ZNF678: variants seen among roughly 807,000 people sequenced by gnomAD.
The protein encoded by ZNF678 is hypothetical protein MGC42493.
In ZNF678, 5 loss-of-function variants were observed where a neutral mutation model predicts 3.0. The ratio of observed to expected loss-of-function variants is 1.69; its 90% confidence interval spans 0.88 to 3.56. The LOEUF (loss-of-function observed/expected upper bound fraction) is 3.56, where lower values mean the gene tolerates loss of function less well. Ranked by LOEUF, ZNF678 falls within the 30% of genes most tolerant of loss-of-function variation. The probability of loss-of-function intolerance (pLI) is 0.00; values close to 1 mark genes in which losing one functional copy is unlikely to be tolerated. For synonymous variants in ZNF678, 218 were observed against 199.6 expected (o/e 1.09, Z -0.78); for missense variants, 593 against 605.0 (o/e 0.98, Z 0.21).
chr1:227,631,731 T>C (rs1397860418), intron 1 of ZNF678, among the ~76,000 whole-genome samples: 2 of 152,222 alleles, frequency 1.3e-5, no homozygotes, highest in Admixed American at 6.5e-5. Context: ...GAGAAAAAGA[T>C]GGGCTTGCTG....
intron 1 of ZNF678, among the ~76,000 whole-genome samples, chr1:227,625,812 C>T (rs1164696037): frequency 2.6e-5 from 4 of 152,096 alleles, no homozygotes; most frequent in African/African-American, 7.2e-5. Flanking sequence ...TCTTGAACTC[C>T]ACCCCCATCA....
At chr1:227,583,732 C>T (rs1657191699) in intron 1 of ZNF678, among the ~76,000 whole-genome samples, 1 of 152,118 alleles carries the variant, frequency 6.6e-6, no homozygotes, top group Non-Finnish European at 1.5e-5. Context: ...ACAAGCAGTA[C>T]ATAATTTTCC....
intron 1 of ZNF678, among the ~76,000 whole-genome samples, chr1:227,636,879 C>G (rs528174262): frequency 6.6e-6 from 1 of 152,312 alleles, no homozygotes; most frequent in East Asian, 1.9e-4. Flanking sequence ...AAACCCCATT[C>G]TTTCCAGACG....
chr1:227,659,897 T>C lies in ZNF678; in HGVS notation c.*4069T>C, dbSNP rs1054116120. 1 of 150,842 alleles carries C rather than the reference T, an allele frequency of 6.6e-6. No homozygotes were observed. Among genetic ancestry groups the C allele is most frequent in the Non-Finnish European group, 1.5e-5 (1 of 67,806 alleles). 9.3% of individuals were successfully genotyped at this position (150,842 alleles called of 1,614,324 possible). A position where few individuals can be genotyped will look rare whatever the true frequency, so the allele number is the denominator to read the frequency against. On this transcript the variant is annotated 3_prime_UTR_variant, in exon 4 of 4. Transcript: ENST00000343776. ...TTGGCACTTAAAAAAAAAAAAACAA[T>C]ATATTCTCAATAACTGTATTCACTC...
At chr1:227,593,018 A>C (rs1657456524) in intron 1 of ZNF678, among the ~76,000 whole-genome samples, 1 of 152,254 alleles carries the variant, frequency 6.6e-6, no homozygotes, top group Non-Finnish European at 1.5e-5. Flanking sequence ...CGTGAGAGAC[A>C]CAAAGTGAAC....
At position 227,656,272 on chromosome 1, in the gene ZNF678, AC is replaced by A. The variant is rs1659247349; in HGVS notation, c.*445del. 1 of 152,262 alleles carries A rather than the reference AC, an allele frequency of 6.6e-6. No homozygotes were observed. Among genetic ancestry groups the A allele is most frequent in the Non-Finnish European group, 1.5e-5 (1 of 68,080 alleles). The allele number at this position is 152,262 out of a possible 1,614,324, so 9.4% of individuals were successfully genotyped here. A position where few individuals can be genotyped will look rare whatever the true frequency, so the allele number is the denominator to read the frequency against. ...TAAGGCACTAACAGTTTCAGATGTT[AC>A]TTTAAAGCAGTGTTGATTGTCGAGA... On this transcript the variant is annotated 3_prime_UTR_variant, in exon 4 of 4. Coordinates refer to ENST00000343776, the MANE Select transcript of ZNF678 (RefSeq NM_001367909.1).
chr1:227,636,872 C>T (rs1036168264), intron 1 of ZNF678, among the ~76,000 whole-genome samples: 2 of 152,098 alleles, frequency 1.3e-5, no homozygotes, highest in African/African-American at 4.8e-5. Context: ...GGCAGATAAA[C>T]CCCATTCTTT....
At chr1:227,622,693 CA>C (rs1231129544) in intron 1 of ZNF678, among the ~76,000 whole-genome samples, 1 of 152,118 alleles carries the variant, frequency 6.6e-6, no homozygotes, top group Non-Finnish European at 1.5e-5. Flanking sequence ...ACTATTTTTA[CA>C]TTTTAAAAGC....
In ZNF678 at chr1:227,655,325, A is replaced by G. The variant is rs765364773; in HGVS notation, c.1075A>G (p.Thr359Ala). The change falls in exon 4 of 4, where the codon ACT (threonine) becomes GCT (alanine). Residue 359 changes from threonine (T) to alanine (A), a missense_variant. Transcript: ENST00000343776. The stretch of plus-strand genomic sequence containing the variant: ...ATGTGAAGAATGTGGCAGAACCTTT[A>G]CTCAATTCTCAAACCTCACTCAGCA... ...YKCEECGRTF[T>A]QFSNLTQHKR... 14 of 1,610,788 alleles carry G rather than the reference A, an allele frequency of 8.7e-6. No homozygotes were observed. The highest frequency in any genetic ancestry group is 1.3e-5 in the African/African-American group (1 of 74,732).
intron 1 of ZNF678, among the ~76,000 whole-genome samples, chr1:227,574,238 G>A (rs538687662): frequency 9.9e-4 from 150 of 152,226 alleles, no homozygotes; most frequent in Non-Finnish European, 1.5e-3. Context: ...GTTCTTTGAG[G>A]AAGCACCACA....
intron 1 of ZNF678, among the ~76,000 whole-genome samples, chr1:227,621,185 G>T (rs1658271881): frequency 6.6e-6 from 1 of 152,204 alleles, no homozygotes; most frequent in Non-Finnish European, 1.5e-5. Flanking sequence ...GATCGAGGTT[G>T]CAGTCAGCTG....
At chr1:227,610,092 A>G (rs1657979041) in intron 1 of ZNF678, among the ~76,000 whole-genome samples, 1 of 152,192 alleles carries the variant, frequency 6.6e-6, no homozygotes. Context: ...ACAAAGTAAC[A>G]TACAGAGTGT....
chr1:227,626,408 G>C (rs1658416877), intron 1 of ZNF678, among the ~76,000 whole-genome samples: 1 of 152,178 alleles, frequency 6.6e-6, no homozygotes, highest in South Asian at 2.1e-4. Flanking sequence ...GATGTATCCA[G>C]GGATGGGGAG....
chr1:227,574,707 T>C (rs1452707560), intron 1 of ZNF678, among the ~76,000 whole-genome samples: 2 of 152,230 alleles, frequency 1.3e-5, no homozygotes, highest in African/African-American at 4.8e-5. Flanking sequence ...AAATTGCTTT[T>C]GGCGCCTTTG....
intron 1 of ZNF678, among the ~76,000 whole-genome samples, chr1:227,615,676 C>T (rs551771053): frequency 1.1e-4 from 16 of 152,286 alleles, no homozygotes; most frequent in African/African-American, 3.6e-4. Context: ...GCCTGATGTC[C>T]CTCCTCAAAT....
At chr1:227,580,909 A>G (rs1349879721) in intron 1 of ZNF678, among the ~76,000 whole-genome samples, 1 of 150,026 alleles carries the variant, frequency 6.7e-6, no homozygotes, top group African/African-American at 2.5e-5. Flanking sequence ...CAGCCTCAAG[A>G]ACGAAACTCC....
Position 227,655,692 on chromosome 1 carries a change from G to T in ZNF678, c.1442G>T (p.Arg481Ile), listed in dbSNP as rs747021619. ...TTCTCAAGCCTTACTCGTCATAAAA[G>T]AATTCATACTGGAGAGAAACGCTAC... Reference protein sequence around the residue: ...NQFSSLTRHKRIHTGEKRYKC... With the variant: ...NQFSSLTRHKIIHTGEKRYKC... Residue 481 changes from arginine (R) to isoleucine (I), a missense_variant, in exon 4 of 4, where the codon AGA (arginine) becomes ATA (isoleucine). Transcript: ENST00000343776. The T allele has an allele frequency of 8.7e-6, 14 of 1,612,526 alleles. 1 individual carries two copies. In the Admixed American group the frequency reaches 1.5e-4, roughly 17 times the overall value.
chr1:227,642,111 T>C (rs1406880867), intron 1 of ZNF678, among the ~76,000 whole-genome samples: 1 of 152,234 alleles, frequency 6.6e-6, no homozygotes, highest in Non-Finnish European at 1.5e-5. Context: ...TAAACCAGGT[T>C]GACTCTGCCT....
rs373572260 is a variant in ZNF678 at position 227,655,227 on chromosome 1, G to C, written c.977G>C (p.Cys326Ser). ...GAAAAACCCTACCAATGTGAAGAAT[G>C]TGGCAAAACTTTTAATCGGTGTTCA... is the stretch of plus-strand genomic sequence containing the variant. ...TGEKPYQCEE[C>S]GKTFNRCSHL... The change falls in exon 4 of 4, where the codon TGT becomes TCT. Residue 326 changes from cysteine to serine, a missense_variant. Coordinates refer to ENST00000343776, the MANE Select transcript of ZNF678 (RefSeq NM_001367909.1). 13 of 1,612,494 alleles carry C rather than the reference G, an allele frequency of 8.1e-6. No individual in the cohort carries two copies. The African/African-American group carries it at 1.1e-4, about 13-fold the overall frequency.
Sources: allele counts gnomAD v4.1 joint callset (sites outside exome capture counted in the v4.1 genomes callset), GRCh38; gene constraint gnomAD v4.1.1; transcripts MANE v1.5; gene names NCBI Gene and HGNC (gene_info 2026-07-23, HGNC 2026-07-21).